The following CTNND2 variants were observed in gnomAD, a reference collection of about 807,000 sequenced individuals.
CTNND2 encodes catenin delta 2.
A neutral mutation model predicts 144.4 loss-of-function variants in CTNND2; 22 were observed. The observed-to-expected ratio is 0.15, with a 90% CI of 0.11 to 0.22. CTNND2 has a LOEUF of 0.22. Among genes scored for constraint, CTNND2 ranks in the 10% least tolerant of loss-of-function variants. The probability of loss-of-function intolerance (pLI) is 1.00; values close to 1 mark genes in which losing one functional copy is unlikely to be tolerated. For synonymous variants in CTNND2, 751 were observed against 695.6 expected, an observed-to-expected ratio of 1.08 and a Z score of -1.25; for missense variants, 1,353 against 1,618.8, an observed-to-expected ratio of 0.84 and a Z score of 2.82.
At chr5:11,195,741 G>A (rs1028223427) in intron 11 of CTNND2, among the ~76,000 whole-genome samples, 1 of 152,166 alleles carries the variant, frequency 6.6e-6, no homozygotes, top group Non-Finnish European at 1.5e-5. Flanking sequence ...GAAATCTTTA[G>A]TTGGGCATAC....
chr5:11,720,328 G>A (rs933340079), intron 2 of CTNND2, among the ~76,000 whole-genome samples: 1 of 152,110 alleles, frequency 6.6e-6, no homozygotes, highest in Non-Finnish European at 1.5e-5. Context: ...TATATGGGGG[G>A]CTACTTAAGT....
At chr5:11,414,112 C>T (rs1268944952) in intron 3 of CTNND2, among the ~76,000 whole-genome samples, 1 of 152,006 alleles carries the variant, frequency 6.6e-6, no homozygotes, top group African/African-American at 2.4e-5. Context: ...AAGGGCAGGC[C>T]ATGTGAAAAT....
chr5:11,895,256 T>C (rs1427152954), intron 1 of CTNND2, among the ~76,000 whole-genome samples: 1 of 152,198 alleles, frequency 6.6e-6, no homozygotes, highest in East Asian at 1.9e-4. Flanking sequence ...ATGCTTCATG[T>C]GGGAAAAGCA....
At chr5:11,479,283 G>A (rs1768026014) in intron 3 of CTNND2, among the ~76,000 whole-genome samples, 1 of 152,112 alleles carries the variant, frequency 6.6e-6, no homozygotes, top group Non-Finnish European at 1.5e-5. Flanking sequence ...GTTTGTTAAG[G>A]ACGATGGTCT....
Position 11,748,198 on chromosome 5 carries a change from C to T in CTNND2, c.38-15926G>A, listed in dbSNP as rs565478205. Among the ~76,000 whole-genome samples, 423 of 84,594 alleles carry T rather than the reference C, an allele frequency of 5.0e-3. 8 individuals are homozygous for T. Among genetic ancestry groups the T allele is most frequent in the African/African-American group, 0.016 (390 of 24,868 alleles). The allele number at this position is 84,594 out of a possible 152,430, so 55.5% of individuals were successfully genotyped here. On this transcript the variant is annotated intron_variant, in intron 1 of 21. Coordinates refer to ENST00000304623, the MANE Select transcript of CTNND2 (RefSeq NM_001332.4). ...ATTGCTGACCTTAAGAAAACAAAGA[C>T]TGAATAGAGCCATAATAATTTTATA...
intron 11 of CTNND2, among the ~76,000 whole-genome samples, chr5:11,175,641 A>ATT (rs5865927): frequency 3.1e-4 from 46 of 149,894 alleles, no homozygotes; most frequent in African/African-American, 4.7e-4. Context: ...TTATTTATTT[A>ATT]TTTTTTTTGC....
At chr5:11,531,196 G>C (rs1020349823) in intron 3 of CTNND2, among the ~76,000 whole-genome samples, 1 of 152,148 alleles carries the variant, frequency 6.6e-6, no homozygotes, top group African/African-American at 2.4e-5. Context: ...AGGAACATGG[G>C]AATAGTACCA....
chr5:10,984,039 G>A (rs972011458), intron 20 of CTNND2, among the ~76,000 whole-genome samples: 4 of 152,026 alleles, frequency 2.6e-5, no homozygotes, highest in East Asian at 1.9e-4. Flanking sequence ...CTCCTCCCAC[G>A]TCAAGTGAAG....
intron 3 of CTNND2, among the ~76,000 whole-genome samples, chr5:11,437,038 C>G (rs564798280): frequency 2.0e-5 from 3 of 152,262 alleles, no homozygotes; most frequent in African/African-American, 7.2e-5. Context: ...GGAGTACCAA[C>G]TGGAAATATA....
intron 9 of CTNND2, among the ~76,000 whole-genome samples, chr5:11,237,119 A>C (rs1741735809): frequency 6.6e-6 from 1 of 150,480 alleles, no homozygotes; most frequent in Non-Finnish European, 1.5e-5. Context: ...TCCCGGGTTC[A>C]CGCCATTCTC....
At chr5:11,078,007 C>T (rs1202204474) in intron 16 of CTNND2, among the ~76,000 whole-genome samples, 2 of 152,158 alleles carry the variant, frequency 1.3e-5, no homozygotes, top group Non-Finnish European at 2.9e-5. Flanking sequence ...ATATTTGAGA[C>T]ACTCATAAGA....
intron 14 of CTNND2, among the ~76,000 whole-genome samples, chr5:11,103,068 G>C (rs1282931122): frequency 7.5e-6 from 1 of 134,012 alleles, no homozygotes; most frequent in Non-Finnish European, 1.5e-5. Flanking sequence ...TGCAACCTCT[G>C]CCTCCTGGGT....
At chr5:11,402,876 GGAATATA>G (rs1237322181) in intron 5 of CTNND2, among the ~76,000 whole-genome samples, 1 of 152,168 alleles carries the variant, frequency 6.6e-6, no homozygotes, top group East Asian at 1.9e-4. Flanking sequence ...AATGGTCCCA[GGAATATA>G]GAAGTACCCA....
chr5:11,653,591 T>A (rs1782759952), intron 2 of CTNND2, among the ~76,000 whole-genome samples: 1 of 152,156 alleles, frequency 6.6e-6, no homozygotes, highest in African/African-American at 2.4e-5. Context: ...TATGTGTGTT[T>A]TTTGTAAATA....
At chr5:11,575,727 T>G (rs772947305) in intron 2 of CTNND2, among the ~76,000 whole-genome samples, 21 of 152,130 alleles carry the variant, frequency 1.4e-4, no homozygotes, top group Non-Finnish European at 2.4e-4. Context: ...TCCTGTTCCT[T>G]CCCGCACAAA....
intron 1 of CTNND2, among the ~76,000 whole-genome samples, chr5:11,795,334 C>A (rs767879306): frequency 6.6e-6 from 1 of 152,120 alleles, no homozygotes; most frequent in African/African-American, 2.4e-5. Context: ...GGATACAAAC[C>A]GCAGGGAAGG....
chr5:11,041,909 ATGTATTAGCAAATTTACTT>A (rs1744728353), intron 16 of CTNND2, among the ~76,000 whole-genome samples: 1 of 152,230 alleles, frequency 6.6e-6, no homozygotes, highest in Non-Finnish European at 1.5e-5. Context: ...GAGATTTATA[ATGTATTAGCAAATTTACTT>A]TGAATTAGCA....
At chr5:11,881,303 A>G (rs1736094270) in intron 1 of CTNND2, among the ~76,000 whole-genome samples, 3 of 151,966 alleles carry the variant, frequency 2.0e-5, no homozygotes, top group Admixed American at 2.0e-4. Context: ...TGTTGTGAAC[A>G]TTCAAAATCC....
At chr5:11,752,777 A>G (rs1788700964) in intron 1 of CTNND2, among the ~76,000 whole-genome samples, 2 of 151,742 alleles carry the variant, frequency 1.3e-5, no homozygotes, top group African/African-American at 4.8e-5. Flanking sequence ...TTTGGGCAGT[A>G]TGGCCATTTT....
Sources: allele counts gnomAD v4.1 joint callset (sites outside exome capture counted in the v4.1 genomes callset), GRCh38; gene constraint gnomAD v4.1.1; transcripts MANE v1.5; gene names NCBI Gene and HGNC (gene_info 2026-07-23, HGNC 2026-07-21).